The following PRCC variants were observed in gnomAD, a reference collection of about 807,000 sequenced individuals.
PRCC encodes proline rich mitotic checkpoint control factor, also known as proline-rich protein PRCC.
A neutral mutation model predicts 44.0 loss-of-function variants in PRCC; 10 were observed. That is an observed-to-expected ratio of 0.23 (90% CI 0.14 to 0.39). PRCC has a LOEUF of 0.39. Among genes scored for constraint, PRCC ranks in the 10% least tolerant of loss-of-function variants. The pLI, the probability that PRCC is intolerant of heterozygous loss-of-function variation, is 1.00. For missense variants in PRCC, 573 were observed against 624.7 expected (o/e 0.92, Z 0.88); for synonymous variants, 278 against 259.5 (o/e 1.07, Z -0.69).
In PRCC at chr1:156,767,959, C is replaced by A; in HGVS notation, c.188C>A (p.Pro63His). ...CCTCAGATGCTGGCGCCAGCCTTTC[C>A]CCCGCCGCTGTTGCTTCCCCCACCC... is the stretch of plus-strand genomic sequence containing the variant. Reference protein sequence around the residue: ...PPPQMLAPAFPPPLLLPPPTG... With the variant: ...PPPQMLAPAFHPPLLLPPPTG... Residue 63 changes from proline to histidine, a missense_variant, in exon 1 of 7, where the codon CCC becomes CAC. Pro to His is a moderately conservative substitution (Grantham distance 77). This residue lies in a region of PRCC where 245 missense variants were observed against 188.5 expected (regional missense o/e 1.30). Coordinates refer to ENST00000271526, the MANE Select transcript of PRCC (RefSeq NM_005973.5). 6.3e-7 allele frequency: 1 copy of A among 1,586,862 alleles called. No individual in the cohort carries two copies. Among genetic ancestry groups the A allele is most frequent in the Non-Finnish European group, 8.6e-7 (1 of 1,166,682 alleles).
At chr1:156,769,267 C>T (rs1450508494) in intron 1 of PRCC, among the ~76,000 whole-genome samples, 1 of 152,244 alleles carries the variant, frequency 6.6e-6, no homozygotes, top group East Asian at 1.9e-4. Flanking sequence ...CCTAAAAGGC[C>T]TGTTTTCGGT....
chr1:156,770,432 T>C (rs1376310824), intron 1 of PRCC, among the ~76,000 whole-genome samples: 3 of 152,266 alleles, frequency 2.0e-5, no homozygotes, highest in Non-Finnish European at 4.4e-5. Flanking sequence ...TGGAGTGCAA[T>C]GGCACAATCT....
intron 2 of PRCC, among the ~76,000 whole-genome samples, chr1:156,783,401 C>T (rs1256985613): frequency 6.6e-6 from 1 of 152,210 alleles, no homozygotes; most frequent in African/African-American, 2.4e-5. Context: ...TACATTCTAA[C>T]CTCATGTTGA....
rs887446374 is a variant in PRCC at position 156,787,022 on chromosome 1, G to T, written c.931G>T (p.Ala311Ser). ...GCCTCCAGGCACGGAACCAGAGCCG[G>T]CTTTCCAGGACGATGCAGCCAATGC... ...ELPPGTEPEP[A>S]FQDDAANAPL... The change falls in exon 3 of 7, where the codon GCT (alanine) becomes TCT (serine). Residue 311 changes from alanine to serine, a missense_variant. Coordinates refer to ENST00000271526, the MANE Select transcript of PRCC (RefSeq NM_005973.5). 6.2e-7 allele frequency: 1 copy of T among 1,614,248 alleles called. No individual in the cohort carries two copies. The highest frequency in any genetic ancestry group is 8.5e-7 in the Non-Finnish European group (1 of 1,180,046).
chr1:156,777,170 C>T (rs1041518183), intron 1 of PRCC, among the ~76,000 whole-genome samples: 11 of 152,214 alleles, frequency 7.2e-5, no homozygotes, highest in Non-Finnish European at 1.2e-4. Flanking sequence ...ACCAGTGCTT[C>T]TGATTTTGTG....
chr1:156,794,023 T>A (rs1192100865), intron 4 of PRCC, among the ~76,000 whole-genome samples: 1 of 149,600 alleles, frequency 6.7e-6, no homozygotes, highest in Non-Finnish European at 1.5e-5. Flanking sequence ...AATGGTGCGA[T>A]CTCGGCTCTC....
At chr1:156,790,375 C>T (rs1351635422) in intron 3 of PRCC, among the ~76,000 whole-genome samples, 15 of 152,230 alleles carry the variant, frequency 9.9e-5, no homozygotes, top group Non-Finnish European at 4.4e-5. Flanking sequence ...GCAATCCCAG[C>T]ACTTTGGGAG....
In PRCC at chr1:156,768,386, G is replaced by C. The variant is rs1651499045; in HGVS notation, c.468+147G>C. The C allele has an allele frequency of 4.3e-6, 4 of 937,212 alleles. No homozygotes were observed. The East Asian group carries it at 1.1e-4, about 25-fold the overall frequency. 58.1% of individuals were successfully genotyped at this position (937,212 alleles called of 1,614,324 possible). A position where few individuals can be genotyped will look rare whatever the true frequency, so the allele number is the denominator to read the frequency against. ...ATCCTCTTATAATGCGATTAATTGA[G>C]CTGAAGTTGGTCAACTTGGGGGAGT... On this transcript the variant is annotated intron_variant, in intron 1 of 6. Transcript: ENST00000271526.
At chr1:156,779,045 C>T (rs1320607213) in intron 1 of PRCC, among the ~76,000 whole-genome samples, 2 of 141,458 alleles carry the variant, frequency 1.4e-5, no homozygotes, top group Non-Finnish European at 3.1e-5. Flanking sequence ...GGTGTTCCCC[C>T]GCCTCAGCCT....
At chr1:156,799,528 TTGG>T (rs1652771196) in intron 6 of PRCC, among the ~76,000 whole-genome samples, 1 of 152,250 alleles carries the variant, frequency 6.6e-6, no homozygotes, top group African/African-American at 2.4e-5. Flanking sequence ...TACATTCTGG[TTGG>T]TGATTTCATG....
At position 156,787,177 on chromosome 1, in the gene PRCC, G is replaced by A. The variant is rs758953123; in HGVS notation, c.1083+3G>A. On this transcript the variant is annotated splice_donor_region_variant and intron_variant, in intron 3 of 6. Transcript: ENST00000271526. ...ATGCCGCTGGTGCTTATTATCAGGT[G>A]GGTAGGAGGCACAGAGGGCAGGCGA... 6.3e-7 allele frequency: 1 copy of A among 1,594,048 alleles called. No homozygotes were observed. Among genetic ancestry groups the A allele is most frequent in the Non-Finnish European group, 8.6e-7 (1 of 1,165,978 alleles).
intron 1 of PRCC, among the ~76,000 whole-genome samples, chr1:156,780,258 C>G (rs1038484557): frequency 6.6e-6 from 1 of 151,418 alleles, no homozygotes; most frequent in African/African-American, 2.4e-5. Flanking sequence ...GGGGTTTTAC[C>G]ATGTTGTCTG....
chr1:156,790,463 A>G (rs1652434787), intron 3 of PRCC, among the ~76,000 whole-genome samples: 1 of 152,246 alleles, frequency 6.6e-6, no homozygotes, highest in African/African-American at 2.4e-5. Context: ...TCTCTACTAA[A>G]AATACAAAAA....
At chr1:156,779,120 ATATATATATTTTTTT>A (rs1651940902) in intron 1 of PRCC, among the ~76,000 whole-genome samples, 1 of 19,648 alleles carries the variant, frequency 5.1e-5, no homozygotes, top group Non-Finnish European at 8.6e-5. Context: ...ATATATATAT[ATATATATATTTTTTT>A]TTTTTTTTTT....
intron 1 of PRCC, among the ~76,000 whole-genome samples, chr1:156,778,820 A>G (rs577645988): frequency 8.2e-5 from 12 of 145,620 alleles, no homozygotes; most frequent in Non-Finnish European, 1.4e-4. Context: ...TTTTTTTTAG[A>G]TGGAGTTTTG....
chr1:156,781,832 G>T (rs1652061517), intron 1 of PRCC, among the ~76,000 whole-genome samples: 1 of 152,230 alleles, frequency 6.6e-6, no homozygotes, highest in East Asian at 1.9e-4. Flanking sequence ...CCCCAGCCTT[G>T]TGGTTATGTA....
At chr1:156,779,433 G>A (rs1489148138) in intron 1 of PRCC, among the ~76,000 whole-genome samples, 1 of 151,362 alleles carries the variant, frequency 6.6e-6, no homozygotes, top group East Asian at 2.0e-4. Flanking sequence ...GCGCAAGCTC[G>A]GCGCTCACTG....
At chr1:156,774,568 C>T (rs1214053011) in intron 1 of PRCC, among the ~76,000 whole-genome samples, 1 of 152,056 alleles carries the variant, frequency 6.6e-6, no homozygotes, top group Non-Finnish European at 1.5e-5. Flanking sequence ...CTTACTGCAG[C>T]CTCTACCTCC....
At chr1:156,791,140 G>A (rs767835749) in intron 3 of PRCC, 17 of 1,418,670 alleles carry the variant, frequency 1.2e-5, no homozygotes, top group East Asian at 3.3e-5. Context: ...TCTGGTAAAC[G>A]AACCTGCTTT....
Sources: gnomAD v4.1 joint callset for allele counts (sites outside exome capture counted in the v4.1 genomes callset) on GRCh38, gnomAD v4.1.1 for gene constraint, gnomAD v4.1.1 regional missense constraint, MANE v1.5 for transcripts, NCBI Gene and HGNC (gene_info 2026-07-23, HGNC 2026-07-21) for gene names.